The following HSD17B2 variants were observed in gnomAD, a reference collection of about 807,000 sequenced individuals.
HSD17B2 encodes the protein 17-beta-hydroxysteroid dehydrogenase type 2.
In HSD17B2, 32 loss-of-function variants were observed where a neutral mutation model predicts 26.9. The ratio of observed to expected loss-of-function variants is 1.19; its 90% CI spans 0.90 to 1.60. The LOEUF (loss-of-function observed/expected upper bound fraction) is 1.60. Ranked by LOEUF, HSD17B2 falls within the 40% of genes most tolerant of loss-of-function variation. The pLI, the probability that HSD17B2 is intolerant of heterozygous loss-of-function variation, is 0.00. For synonymous variants in HSD17B2, 246 were observed against 186.7 expected (o/e 1.32, Z -2.59); for missense variants, 613 against 468.6 (o/e 1.31, Z -2.85).
At chr16:82,048,163 T>A (rs1913995042) in intron 1 of HSD17B2, among the ~76,000 whole-genome samples, 2 of 152,186 alleles carry the variant, frequency 1.3e-5, no homozygotes. Flanking sequence ...AATGAAGCTC[T>A]GAAACCTAAA....
chr16:82,042,223 T>G (rs1251904979), intron 1 of HSD17B2, among the ~76,000 whole-genome samples: 1 of 152,088 alleles, frequency 6.6e-6, no homozygotes, highest in African/African-American at 2.4e-5. Context: ...CAGGCTGGGC[T>G]TGAACCCCTG....
intron 3 of HSD17B2, among the ~76,000 whole-genome samples, chr16:82,089,819 T>C (rs377443755): frequency 1.3e-5 from 2 of 152,248 alleles, no homozygotes; most frequent in African/African-American, 4.8e-5. Context: ...ACACCCATCA[T>C]TAATTAGATT....
intron 1 of HSD17B2, among the ~76,000 whole-genome samples, chr16:82,057,723 C>CT (rs1170666039): frequency 6.6e-6 from 1 of 152,210 alleles, no homozygotes; most frequent in Non-Finnish European, 1.5e-5. Flanking sequence ...CTGTGATCTT[C>CT]TTCCCCCAAA....
chr16:82,056,560 G>A (rs945244017), intron 1 of HSD17B2: 1 of 152,220 alleles, frequency 6.6e-6, no homozygotes, highest in African/African-American at 2.4e-5. Context: ...GGTAACCTGT[G>A]AGGGGTGGGG....
intron 1 of HSD17B2, among the ~76,000 whole-genome samples, chr16:82,041,864 G>GT (rs1244838349): frequency 6.6e-6 from 1 of 151,950 alleles, no homozygotes. Context: ...GCAAATCGTG[G>GT]TTTTGTATAC....
chr16:82,076,197 C>T lies in HSD17B2; in HGVS notation c.664+5070C>T, dbSNP rs904957077. Reference sequence around the variant, plus strand: ...ATTCAACATCCCTTTATGATAAAAACCCTCAATTAAAAAAAAACTGTGTAT... The same window carrying T: ...ATTCAACATCCCTTTATGATAAAAATCCTCAATTAAAAAAAAACTGTGTAT... On this transcript the variant is annotated intron_variant, in intron 3 of 4. Transcript: ENST00000199936. Among the ~76,000 whole-genome samples the T allele has an allele frequency of 2.6e-5, 4 of 152,030 alleles. No individual in the cohort carries two copies. In the South Asian group the frequency reaches 6.2e-4, roughly 24 times the overall value.
chr16:82,094,538 T>G lies in HSD17B2; in HGVS notation c.802+3499T>G, dbSNP rs142024234. On this transcript the variant is annotated intron_variant, in intron 4 of 4. Coordinates refer to ENST00000199936, the MANE Select transcript of HSD17B2 (RefSeq NM_002153.3). Reference sequence around the variant, plus strand: ...AGATCCTGAGATGCAGTGCCTGGGTTCTTCCTTTTATATCAGGCTGCCCCC... The same window carrying G: ...AGATCCTGAGATGCAGTGCCTGGGTGCTTCCTTTTATATCAGGCTGCCCCC... 9 of 152,306 alleles carry G rather than the reference T, an allele frequency of 5.9e-5. No individual in the cohort carries two copies. In the East Asian group the frequency reaches 1.7e-3, roughly 29 times the overall value. 9.4% of individuals were successfully genotyped at this position (152,306 alleles called of 1,614,324 possible). A position where few individuals can be genotyped will look rare whatever the true frequency, so the allele number is the denominator to read the frequency against.
intron 1 of HSD17B2, among the ~76,000 whole-genome samples, chr16:82,047,096 A>AG (rs1370315972): frequency 6.6e-6 from 1 of 152,148 alleles, no homozygotes; most frequent in African/African-American, 2.4e-5. Flanking sequence ...CTTACCCCAT[A>AG]GCACCAGAGA....
chr16:82,036,334 G>A (rs906254032), intron 1 of HSD17B2, among the ~76,000 whole-genome samples: 2 of 149,980 alleles, frequency 1.3e-5, no homozygotes, highest in Non-Finnish European at 3.0e-5. Flanking sequence ...GTGTGTGTGT[G>A]TGTGTGTGTG....
chr16:82,084,498 C>G (rs1904466925), intron 3 of HSD17B2, among the ~76,000 whole-genome samples: 1 of 152,154 alleles, frequency 6.6e-6, no homozygotes, highest in Non-Finnish European at 1.5e-5. Flanking sequence ...AAAGGGACCT[C>G]TCAACGGAGA....
intron 3 of HSD17B2, among the ~76,000 whole-genome samples, chr16:82,087,099 T>G (rs1015534179): frequency 6.6e-6 from 1 of 152,212 alleles, no homozygotes; most frequent in African/African-American, 2.4e-5. Context: ...TAGGAATTTT[T>G]GGGAAACACA....
intron 1 of HSD17B2, among the ~76,000 whole-genome samples, chr16:82,045,232 G>A (rs1190913922): frequency 6.6e-6 from 1 of 152,058 alleles, no homozygotes; most frequent in African/African-American, 2.4e-5. Flanking sequence ...ATGGTCCAGG[G>A]AGGTTTGACT....
At chr16:82,054,886 C>T (rs1000024709) in intron 1 of HSD17B2, among the ~76,000 whole-genome samples, 3 of 152,182 alleles carry the variant, frequency 2.0e-5, no homozygotes, top group Non-Finnish European at 4.4e-5. Flanking sequence ...TGATATCTCT[C>T]GTCACATTTT....
intron 1 of HSD17B2, among the ~76,000 whole-genome samples, chr16:82,061,596 G>C (rs762641423): frequency 3.3e-5 from 5 of 152,134 alleles, no homozygotes; most frequent in Non-Finnish European, 7.4e-5. Flanking sequence ...AGACTATGTA[G>C]AAATATGTAA....
chr16:82,086,653 C>A (rs748591541), intron 3 of HSD17B2, among the ~76,000 whole-genome samples: 1 of 152,174 alleles, frequency 6.6e-6, no homozygotes, highest in Non-Finnish European at 1.5e-5. Flanking sequence ...AGAAAGGGTG[C>A]AGTCTACGTC....
chr16:82,097,961 T>A lies in HSD17B2; in HGVS notation c.803-114T>A, dbSNP rs1016315980. 3.0e-3 allele frequency: 2,699 copies of A among 914,276 alleles called. 21 individuals are homozygous for A. Among genetic ancestry groups the A allele is most frequent in the Non-Finnish European group, 3.5e-3 (2,283 of 649,022 alleles). The allele number at this position is 914,276 out of a possible 1,614,324, so 56.6% of individuals were successfully genotyped here. On this transcript the variant is annotated intron_variant, in intron 4 of 4. Transcript: ENST00000199936. ...TCCCAAAAATAAAAAAATAAAAAAA[T>A]AAATAAATAAACGTCATTTGCAAAG...
At chr16:82,063,619 G>C (rs1914503053) in intron 1 of HSD17B2, among the ~76,000 whole-genome samples, 2 of 152,288 alleles carry the variant, frequency 1.3e-5, no homozygotes, top group Non-Finnish European at 2.9e-5. Context: ...GGAATGTTCT[G>C]ACCACTTAAT....
chr16:82,054,171 C>A (rs1914194268), intron 1 of HSD17B2, among the ~76,000 whole-genome samples: 1 of 150,906 alleles, frequency 6.6e-6, no homozygotes, highest in African/African-American at 2.4e-5. Flanking sequence ...ATGTAAGAGC[C>A]CTTTCTCCTT....
Position 82,035,389 on chromosome 16 carries a change from G to T in HSD17B2, c.-36G>T, listed in dbSNP as rs1213338583. On this transcript the variant is annotated 5_prime_UTR_variant, in exon 1 of 5. Coordinates refer to ENST00000199936, the MANE Select transcript of HSD17B2 (RefSeq NM_002153.3). ...CAGCCTTTGCCCGCTAGACTCACTG[G>T]CCCTGAGCACTTGAAGGTGCAGCAA... 1 of 1,591,040 alleles carries T rather than the reference G, an allele frequency of 6.3e-7. No individual in the cohort carries two copies.
Sources: allele counts gnomAD v4.1 joint callset (sites outside exome capture counted in the v4.1 genomes callset), GRCh38; gene constraint gnomAD v4.1.1; transcripts MANE v1.5; gene names NCBI Gene and HGNC (gene_info 2026-07-23, HGNC 2026-07-21).